The following NELL2 variants were observed in gnomAD, a reference collection of about 807,000 sequenced individuals.
NELL2 encodes the protein neural EGFL like 2, also known as protein kinase C-binding protein NELL2.
Under a neutral mutation model 109.6 loss-of-function variants are expected in NELL2, and 41 were observed. That is an observed-to-expected ratio of 0.37 (90% CI 0.29 to 0.49). The LOEUF (loss-of-function observed/expected upper bound fraction) is 0.49. Ranked by LOEUF, NELL2 falls within the 20% of genes least tolerant of loss-of-function variation. The probability of loss-of-function intolerance (pLI) is 0.98; values close to 1 mark genes in which losing one functional copy is unlikely to be tolerated. For missense variants in NELL2, 900 were observed against 1,008.3 expected (o/e 0.89, Z 1.45); for synonymous variants, 355 against 344.7 (o/e 1.03, Z -0.33).
At chr12:44,519,899 GA>G (rs60797262) in intron 19 of NELL2, 105 bp downstream of exon 19, 87,163 of 802,594 alleles carry the variant, frequency 0.11, 2,595 homozygotes, top group African/African-American at 0.34. Flanking sequence ...AAATAAACAG[GA>G]AAAAAAAAAA....
chr12:44,747,446 T>C (rs1243880209), intron 9 of NELL2, among the ~76,000 whole-genome samples: 1 of 143,614 alleles, frequency 7.0e-6, no homozygotes, highest in Non-Finnish European at 1.5e-5. Flanking sequence ...ACTTCAAGTA[T>C]AATAATAATA....
chr12:44,881,530 T>G (rs972182746), intron 1 of NELL2, among the ~76,000 whole-genome samples: 1 of 151,788 alleles, frequency 6.6e-6, no homozygotes, highest in Non-Finnish European at 1.5e-5. Flanking sequence ...AGTAGCTGAA[T>G]GAAAATGATA....
At chr12:44,580,612 C>CTG (rs1233101859) in intron 15 of NELL2, among the ~76,000 whole-genome samples, 1 of 152,112 alleles carries the variant, frequency 6.6e-6, no homozygotes, top group Non-Finnish European at 1.5e-5. Flanking sequence ...ACTCGGGAGG[C>CTG]TGAGGCAGAA....
At chr12:44,802,045 C>T (rs569368819) in intron 3 of NELL2, among the ~76,000 whole-genome samples, 45 of 152,168 alleles carry the variant, frequency 3.0e-4, no homozygotes, top group African/African-American at 9.9e-4. Context: ...CTTTATTTTA[C>T]ATCACAAGGC....
intron 1 of NELL2, among the ~76,000 whole-genome samples, chr12:44,907,697 T>C (rs756172632): frequency 3.9e-5 from 6 of 152,062 alleles, no homozygotes; most frequent in Admixed American, 1.3e-4. Flanking sequence ...TAGGATCAAA[T>C]GAAGTTGTCT....
intron 9 of NELL2, among the ~76,000 whole-genome samples, chr12:44,760,984 TAAA>T (rs1262092088): frequency 6.6e-6 from 1 of 152,168 alleles, no homozygotes; most frequent in African/African-American, 2.4e-5. Context: ...AGTTTTATCA[TAAA>T]AAGACCTCTT....
intron 1 of NELL2, among the ~76,000 whole-genome samples, chr12:44,902,066 A>T (rs1945666901): frequency 6.6e-6 from 1 of 152,198 alleles, no homozygotes; most frequent in South Asian, 2.1e-4. Context: ...ATCCGGCAAG[A>T]GAAAGAAATA....
intron 13 of NELL2, among the ~76,000 whole-genome samples, chr12:44,625,736 T>G (rs1946234931): frequency 6.6e-6 from 1 of 152,132 alleles, no homozygotes; most frequent in Non-Finnish European, 1.5e-5. Flanking sequence ...TCCTGGACTC[T>G]CCTCTCTCTG....
chr12:44,551,032 A>G (rs1943027522), intron 15 of NELL2, among the ~76,000 whole-genome samples: 3 of 152,192 alleles, frequency 2.0e-5, no homozygotes, highest in African/African-American at 7.2e-5. Flanking sequence ...AAACAAGTAC[A>G]AAAAGCAATA....
intron 9 of NELL2, among the ~76,000 whole-genome samples, chr12:44,726,834 A>G (rs1026043065): frequency 6.6e-6 from 1 of 152,168 alleles, no homozygotes; most frequent in Non-Finnish European, 1.5e-5. Context: ...GTTGATTTAT[A>G]TATTAGTATG....
At chr12:44,648,726 T>G (rs1566084656) in intron 13 of NELL2, among the ~76,000 whole-genome samples, 1 of 103,548 alleles carries the variant, frequency 9.7e-6, no homozygotes, top group African/African-American at 5.4e-5. Flanking sequence ...TATATATATA[T>G]ATATATTTTT....
intron 12 of NELL2, among the ~76,000 whole-genome samples, chr12:44,671,872 C>T (rs1344560134): frequency 6.6e-6 from 1 of 152,188 alleles, no homozygotes; most frequent in Non-Finnish European, 1.5e-5. Flanking sequence ...TGGGCTTAAG[C>T]TTGTGAGCTA....
At chr12:44,910,661 T>C (rs1356452180) in intron 1 of NELL2, among the ~76,000 whole-genome samples, 3 of 152,146 alleles carry the variant, frequency 2.0e-5, no homozygotes. Context: ...TGTACATGTA[T>C]GTTCATTTCA....
rs1945595409 is a variant in NELL2 at position 44,610,910 on chromosome 12, G to C, written c.1505C>G (p.Thr502Ser). ...NCDENALCFN[T>S]VGGHNCVCKP... is the part of the protein sequence containing the mutation. Reference sequence around the variant, plus strand: ...GCAAACACAGTTGTGTCCTCCAACAGTGTTGAAGCATAAAGCATTTTCATC... The same window carrying C: ...GCAAACACAGTTGTGTCCTCCAACACTGTTGAAGCATAAAGCATTTTCATC... Residue 502 changes from threonine (T) to serine (S), a missense_variant, in exon 14 of 20, where the codon ACT (threonine) becomes AGT (serine). This residue lies in a region of NELL2 where 333 missense variants were observed against 432.3 expected (regional missense o/e 0.77). Coordinates refer to ENST00000429094, the MANE Select transcript of NELL2 (RefSeq NM_001145108.2). 3 of 1,613,026 alleles carry C rather than the reference G, an allele frequency of 1.9e-6. No individual in the cohort carries two copies. Among genetic ancestry groups the C allele is most frequent in the African/African-American group, 2.7e-5 (2 of 74,822 alleles).
At chr12:44,688,716 G>A (rs1050758995) in intron 12 of NELL2, among the ~76,000 whole-genome samples, 2 of 152,122 alleles carry the variant, frequency 1.3e-5, no homozygotes, top group Admixed American at 1.3e-4. Context: ...ACATTCATCT[G>A]CGTGTTAAAT....
At chr12:44,540,014 T>A (rs2139027798) in intron 15 of NELL2, among the ~76,000 whole-genome samples, 1 of 152,296 alleles carries the variant, frequency 6.6e-6, no homozygotes, top group East Asian at 1.9e-4. Context: ...AAATGATACT[T>A]CCTCATTCTA....
chr12:44,681,483 T>G (rs952861358), intron 12 of NELL2, among the ~76,000 whole-genome samples: 1 of 152,160 alleles, frequency 6.6e-6, no homozygotes, highest in South Asian at 2.1e-4. Flanking sequence ...TAGTTACATA[T>G]GTATACATGC....
At chr12:44,792,530 A>G (rs868521783) in intron 3 of NELL2, among the ~76,000 whole-genome samples, 5 of 152,184 alleles carry the variant, frequency 3.3e-5, no homozygotes, top group Non-Finnish European at 5.9e-5. Flanking sequence ...ATCTTTTTCA[A>G]TGGAAAAGAC....
At chr12:44,664,051 G>C (rs1947839370) in intron 13 of NELL2, among the ~76,000 whole-genome samples, 1 of 152,080 alleles carries the variant, frequency 6.6e-6, no homozygotes, top group South Asian at 2.1e-4. Context: ...TTTTATCTTA[G>C]TTTTCTTGTT....
Sources: allele counts gnomAD v4.1 joint callset (sites outside exome capture counted in the v4.1 genomes callset), GRCh38; gene constraint gnomAD v4.1.1; regional missense constraint gnomAD v4.1.1; transcripts MANE v1.5; gene names NCBI Gene and HGNC (gene_info 2026-07-23, HGNC 2026-07-21).